FAM107B: variants seen among roughly 807,000 people sequenced by gnomAD.
FAM107B encodes protein FAM107B.
In FAM107B, 21 loss-of-function variants were observed where a neutral mutation model predicts 31.5. The observed-to-expected ratio is 0.67, with a 90% CI of 0.47 to 0.96. FAM107B has a LOEUF of 0.96. Among genes scored for constraint, FAM107B ranks in the 40% least tolerant of loss-of-function variants. The pLI, the probability that FAM107B is intolerant of heterozygous loss-of-function variation, is 0.00. For synonymous variants in FAM107B, 157 were observed against 141.5 expected (o/e 1.11, Z -0.78); for missense variants, 452 against 377.1 (o/e 1.20, Z -1.64).
chr10:14,726,771 A>G (rs1856045510), intron 1 of FAM107B, among the ~76,000 whole-genome samples: 1 of 152,084 alleles, frequency 6.6e-6, no homozygotes, highest in African/African-American at 2.4e-5. Flanking sequence ...AGAGGTCCCC[A>G]ATCTTTTTGG....
chr10:14,756,303 G>A (rs1327149160), intron 1 of FAM107B, among the ~76,000 whole-genome samples: 1 of 152,174 alleles, frequency 6.6e-6, no homozygotes, highest in Non-Finnish European at 1.5e-5. Context: ...AGTCTTGGGT[G>A]TCAATTTGGC....
intron 1 of FAM107B, chr10:14,723,186 T>TGCTCCTAACCATTCAGTGGCC (rs1218686235): frequency 4.5e-4 from 234 of 518,858 alleles, no homozygotes; most frequent in African/African-American, 4.3e-3. Flanking sequence ...ATTCAGTGGT[T>TGCTCCTAACCATTCAGTGGCC]GCTCCTAACC....
At chr10:14,767,024 G>GTATGTATATATATATATATA (rs1554757993) in intron 1 of FAM107B, among the ~76,000 whole-genome samples, 6 of 16,232 alleles carry the variant, frequency 3.7e-4, no homozygotes, top group South Asian at 6.7e-3. Context: ...TGATGTGTAT[G>GTATGTATATATATATATATA]TATATATATA....
chr10:14,607,761 G>A (rs1852629987), intron 2 of FAM107B, among the ~76,000 whole-genome samples: 1 of 152,136 alleles, frequency 6.6e-6, no homozygotes, highest in Admixed American at 6.5e-5. Context: ...TTACTGATTT[G>A]CTTTCAATAC....
intron 1 of FAM107B, among the ~76,000 whole-genome samples, chr10:14,733,618 T>C (rs917106242): frequency 6.6e-6 from 1 of 152,196 alleles, no homozygotes; most frequent in African/African-American, 2.4e-5. Context: ...TCCAAAATAA[T>C]GATAAGGTAA....
intron 1 of FAM107B, among the ~76,000 whole-genome samples, chr10:14,687,944 A>C (rs1444060327): frequency 6.6e-6 from 1 of 152,204 alleles, no homozygotes; most frequent in East Asian, 1.9e-4. Context: ...AAGGATGCAA[A>C]GTATTGATCT....
At chr10:14,601,595 G>A (rs1251615317) in intron 2 of FAM107B, among the ~76,000 whole-genome samples, 1 of 152,096 alleles carries the variant, frequency 6.6e-6, no homozygotes, top group Non-Finnish European at 1.5e-5. Context: ...GTGCCCCACA[G>A]CACACTAGCA....
intron 2 of FAM107B, among the ~76,000 whole-genome samples, chr10:14,558,598 T>G (rs901913456): frequency 2.6e-5 from 4 of 152,166 alleles, no homozygotes; most frequent in Non-Finnish European, 4.4e-5. Context: ...TGATTTTTTT[T>G]TTTAACTGTA....
At chr10:14,523,711 C>A (rs1845911055) in intron 3 of FAM107B, among the ~76,000 whole-genome samples, 1 of 152,212 alleles carries the variant, frequency 6.6e-6, no homozygotes, top group Non-Finnish European at 1.5e-5. Context: ...CTTTAAAGTC[C>A]ACACAATCAC....
At chr10:14,757,803 C>T (rs1832959959) in intron 1 of FAM107B, among the ~76,000 whole-genome samples, 1 of 152,222 alleles carries the variant, frequency 6.6e-6, no homozygotes, top group Non-Finnish European at 1.5e-5. Flanking sequence ...CCGTTGAAAT[C>T]ATTTGGTTGG....
At position 14,519,374 on chromosome 10, in the gene FAM107B, A is replaced by G. The variant is rs1845420506; in HGVS notation, c.*1816T>C. 1 of 152,218 alleles carries G rather than the reference A, an allele frequency of 6.6e-6. No homozygotes were observed. Among genetic ancestry groups the G allele is most frequent in the Non-Finnish European group, 1.5e-5 (1 of 68,036 alleles). The allele number at this position is 152,218 out of a possible 1,614,324, so 9.4% of individuals were successfully genotyped here. A position where few individuals can be genotyped will look rare whatever the true frequency, so the allele number is the denominator to read the frequency against. On this transcript the variant is annotated 3_prime_UTR_variant, in exon 5 of 5. Coordinates refer to ENST00000181796, the MANE Select transcript of FAM107B (RefSeq NM_031453.4). ...CAGCATCGCTAGTCCACAGACACAA[A>G]GAAAGAATTCCAGTCAACGTGCAAT...
At chr10:14,613,690 T>C (rs1852782455) in intron 2 of FAM107B, among the ~76,000 whole-genome samples, 1 of 152,210 alleles carries the variant, frequency 6.6e-6, no homozygotes. Flanking sequence ...TATCCACTAA[T>C]ACTGCTTTCC....
At chr10:14,754,203 T>C (rs759681743) in intron 1 of FAM107B, among the ~76,000 whole-genome samples, 11 of 152,140 alleles carry the variant, frequency 7.2e-5, no homozygotes, top group Non-Finnish European at 1.2e-4. Context: ...CCTCCCAAAT[T>C]GCTAGGATTA....
rs141411278 is a variant in FAM107B at position 14,580,381 on chromosome 10, A to G, written c.470-49866T>C. On this transcript the variant is annotated intron_variant, in intron 2 of 4. Coordinates refer to ENST00000181796, the MANE Select transcript of FAM107B (RefSeq NM_031453.4). Reference sequence around the variant, plus strand: ...TGCCAAAAAAAAAAGTAAGTAAGTCAAGGCCACCCTACAAAAGAAACAGCA... The same window carrying G: ...TGCCAAAAAAAAAAGTAAGTAAGTCGAGGCCACCCTACAAAAGAAACAGCA... Among the ~76,000 whole-genome samples, 158 of 152,164 alleles carry G rather than the reference A, an allele frequency of 1.0e-3. 1 individual carries two copies. Among genetic ancestry groups the G allele is most frequent in the African/African-American group, 3.6e-3 (150 of 41,528 alleles).
At chr10:14,599,196 C>T (rs1485011057) in intron 2 of FAM107B, among the ~76,000 whole-genome samples, 1 of 152,160 alleles carries the variant, frequency 6.6e-6, no homozygotes, top group African/African-American at 2.4e-5. Context: ...CTTGACAACA[C>T]ATACATAACC....
chr10:14,730,771 G>A (rs1415105848), intron 1 of FAM107B, among the ~76,000 whole-genome samples: 1 of 152,174 alleles, frequency 6.6e-6, no homozygotes, highest in African/African-American at 2.4e-5. Context: ...TCCCCAGTTT[G>A]CCCAGGAATG....
chr10:14,570,367 G>C lies in FAM107B; in HGVS notation c.470-39852C>G, dbSNP rs138601778. 4.9e-4 allele frequency among the ~76,000 whole-genome samples: 74 copies of C among 152,154 alleles called. 1 individual carries two copies. In the East Asian group the frequency reaches 0.013, roughly 26 times the overall value. On this transcript the variant is annotated intron_variant, in intron 2 of 4. Transcript: ENST00000181796. ...TTACACAGTGTATGTAGCAAGACAA[G>C]CCATAGCCACTGTGAGAATGACTGC...
chr10:14,669,105 C>T (rs993354650), intron 1 of FAM107B, among the ~76,000 whole-genome samples: 4 of 152,132 alleles, frequency 2.6e-5, no homozygotes, highest in Non-Finnish European at 5.9e-5. Context: ...TGGTGGCTGA[C>T]ACCTGTAATC....
rs759788163 is a variant in FAM107B, at chr10:14,725,821, CTTTTTT to C, written c.411+48426_411+48431del. 6.4e-5 allele frequency among the ~76,000 whole-genome samples: 6 copies of C among 94,306 alleles called. No homozygotes were observed. The South Asian group carries it at 1.1e-3, about 18-fold the overall frequency. The allele number at this position is 94,306 out of a possible 152,430, so 61.9% of individuals were successfully genotyped here. A position where few individuals can be genotyped will look rare whatever the true frequency, so the allele number is the denominator to read the frequency against. On this transcript the variant is annotated intron_variant, in intron 1 of 4. Coordinates refer to ENST00000181796, the MANE Select transcript of FAM107B (RefSeq NM_031453.4). ...TCTAGGGAGCAAAAGCAGTCAAATC[CTTTTTT>C]TTTTTTTTTTTTTTTGGAAATGGAG...
Sources: allele counts gnomAD v4.1 joint callset (sites outside exome capture counted in the v4.1 genomes callset), GRCh38; gene constraint gnomAD v4.1.1; transcripts MANE v1.5; gene names NCBI Gene and HGNC (gene_info 2026-07-23, HGNC 2026-07-21).